The following AKAP9 variants were observed in gnomAD, a reference collection of about 807,000 sequenced individuals.
The protein encoded by AKAP9 is A-kinase anchoring protein 9, also known as A-kinase anchor protein 9.
A neutral mutation model predicts 488.5 loss-of-function variants in AKAP9; 311 were observed. That is an observed-to-expected ratio of 0.64 (90% CI 0.58 to 0.70). AKAP9 has a LOEUF of 0.70. Ranked by LOEUF, AKAP9 falls within the 30% of genes least tolerant of loss-of-function variation. AKAP9 has a pLI of 0.00. For synonymous variants in AKAP9, 1,462 were observed against 1,483.5 expected (o/e 0.99, Z 0.33); for missense variants, 4,215 against 4,374.5 (o/e 0.96, Z 1.03).
chr7:91,992,003 A>G lies in AKAP9; in HGVS notation c.352-155A>G, dbSNP rs4364573. Among the ~76,000 whole-genome samples, 2,193 of 152,316 alleles carry G rather than the reference A, an allele frequency of 0.014. 45 individuals carry two copies. The highest frequency in any genetic ancestry group is 0.05 in the African/African-American group (2,087 of 41,564). On this transcript the variant is annotated intron_variant, in intron 3 of 49. Coordinates refer to ENST00000356239, the MANE Select transcript of AKAP9 (RefSeq NM_005751.5). ...ATTTGAAATGGTCATTATGTCTCTT[A>G]GATATTTTAAATTAATCTCTGTATC...
At chr7:92,023,450 CA>C (rs549605383) in intron 14 of AKAP9, among the ~76,000 whole-genome samples, 154 of 152,288 alleles carry the variant, frequency 1.0e-3, no homozygotes, top group African/African-American at 3.7e-3. Context: ...TGGCTCTTCT[CA>C]AAATTTGCTC....
intron 7 of AKAP9, among the ~76,000 whole-genome samples, chr7:92,000,316 A>C (rs556337202): frequency 2.0e-5 from 3 of 152,336 alleles, no homozygotes; most frequent in African/African-American, 7.2e-5. Flanking sequence ...TGACTGACTT[A>C]AGAGCCCAGG....
Position 92,084,103 on chromosome 7 carries a change from C to T in AKAP9, c.8646+448C>T, listed in dbSNP as rs145612512. ...TTGGTTTTCTGTTCTTGTGTTAGTC[C>T]GCTGAGAATGATGGTTTCCAGCTTC... On this transcript the variant is annotated intron_variant, in intron 33 of 49. Coordinates refer to ENST00000356239, the MANE Select transcript of AKAP9 (RefSeq NM_005751.5). 6.4e-3 allele frequency among the ~76,000 whole-genome samples: 970 copies of T among 152,192 alleles called. 13 individuals carry two copies. The highest frequency in any genetic ancestry group is 0.026 in the South Asian group (127 of 4,820).
chr7:91,948,361 C>T (rs1791733147), intron 1 of AKAP9, among the ~76,000 whole-genome samples: 1 of 152,096 alleles, frequency 6.6e-6, no homozygotes, highest in Admixed American at 6.5e-5. Flanking sequence ...CAAACTGTTT[C>T]CATAGTGACT....
In AKAP9 at chr7:91,974,306, A is replaced by C. The variant is rs145616496; in HGVS notation, c.306+338A>C. Among the ~76,000 whole-genome samples, 423 of 150,702 alleles carry C rather than the reference A, an allele frequency of 2.8e-3. 2 individuals are homozygous for C. The highest frequency in any genetic ancestry group is 9.7e-3 in the African/African-American group (396 of 40,740). The stretch of plus-strand genomic sequence containing the variant: ...AGTGTGCTATGATTAGACCTTTGCT[A>C]GTATGAGAGATAGATGTCCAACTTC... On this transcript the variant is annotated intron_variant, in intron 2 of 49. Coordinates refer to ENST00000356239, the MANE Select transcript of AKAP9 (RefSeq NM_005751.5).
intron 48 of AKAP9, chr7:92,108,019 CAAAAAAAA>C (rs60351982): frequency 2.1e-5 from 3 of 143,948 alleles, no homozygotes; most frequent in East Asian, 3.7e-4. Flanking sequence ...ATTTGGTCTC[CAAAAAAAA>C]AAAAAAAGAA....
In AKAP9 at chr7:92,060,651, G is replaced by A. The variant is rs536502137; in HGVS notation, c.5602-609G>A. Among the ~76,000 whole-genome samples the A allele has an allele frequency of 1.2e-4, 18 of 152,142 alleles. No individual in the cohort carries two copies. The South Asian group carries it at 3.5e-3, about 30-fold the overall frequency. On this transcript the variant is annotated intron_variant, in intron 22 of 49. Coordinates refer to ENST00000356239, the MANE Select transcript of AKAP9 (RefSeq NM_005751.5). Reference sequence around the variant, plus strand: ...TATGGTTAATGTCTCTGTATTCTACGGTTTTGAAAATAAGCTGAATATTCA... The same window carrying A: ...TATGGTTAATGTCTCTGTATTCTACAGTTTTGAAAATAAGCTGAATATTCA...
intron 1 of AKAP9, among the ~76,000 whole-genome samples, chr7:91,965,674 C>T (rs1330226130): frequency 6.6e-6 from 1 of 152,198 alleles, no homozygotes; most frequent in Non-Finnish European, 1.5e-5. Flanking sequence ...CTTCTCTCTC[C>T]ACATCCTCCC....
At chr7:92,039,805 T>G (rs1411527789) in intron 17 of AKAP9, among the ~76,000 whole-genome samples, 9 of 151,974 alleles carry the variant, frequency 5.9e-5, no homozygotes, top group Admixed American at 5.9e-4. Flanking sequence ...TAAAACCCCC[T>G]CTCTACTAAA....
intron 21 of AKAP9, among the ~76,000 whole-genome samples, chr7:92,051,309 T>G (rs983450485): frequency 6.6e-6 from 1 of 152,200 alleles, no homozygotes; most frequent in African/African-American, 2.4e-5. Context: ...TGCATTTAAT[T>G]TCTCACATAA....
chr7:92,089,606 T>G, intron 38 of AKAP9, 77 bp downstream of exon 38: 4 of 1,439,762 alleles, frequency 2.8e-6, no homozygotes, highest in Non-Finnish European at 3.8e-6. Flanking sequence ...TTATTATTAT[T>G]AAGTTAAAAC....
chr7:92,082,576 G>A lies in AKAP9; in HGVS notation c.8074G>A (p.Glu2692Lys), dbSNP rs749538379. The change falls in exon 32 of 50, where the codon GAG becomes AAG. Residue 2692 changes from glutamate (E) to lysine (K), a missense_variant. Transcript: ENST00000356239. ...NEESGFFNEL[E>K]ALRAESVATK... is the part of the protein sequence containing the mutation. ...AGAAAGTGGATTTTTTAATGAACTCGAGGCTCTTAGAGCTGAATCAGTGGC... is the reference window on the plus strand; with the variant it reads ...AGAAAGTGGATTTTTTAATGAACTCAAGGCTCTTAGAGCTGAATCAGTGGC... 17 of 1,613,678 alleles carry A rather than the reference G, an allele frequency of 1.1e-5. No homozygotes were observed. The highest frequency in any genetic ancestry group is 1.7e-5 in the Admixed American group (1 of 59,988).
At chr7:92,039,325 G>A (rs969079783) in intron 17 of AKAP9, among the ~76,000 whole-genome samples, 1 of 152,074 alleles carries the variant, frequency 6.6e-6, no homozygotes, top group Non-Finnish European at 1.5e-5. Context: ...TGTTGTACCT[G>A]GTAAAATCCC....
intron 3 of AKAP9, among the ~76,000 whole-genome samples, chr7:91,990,676 C>G (rs1160557657): frequency 6.6e-6 from 1 of 151,974 alleles, no homozygotes; most frequent in African/African-American, 2.4e-5. Context: ...AAAATGGTAA[C>G]TGATAACTGA....
intron 13 of AKAP9, 143 bp from the exon 14 acceptor site, chr7:92,022,671 A>C: frequency 3.1e-6 from 2 of 647,104 alleles, no homozygotes; most frequent in Non-Finnish European, 5.3e-6. Flanking sequence ...CATCAGAATG[A>C]GTTTAAATTG....
intron 30 of AKAP9, 55 bp downstream of exon 30, chr7:92,077,930 C>G: frequency 2.3e-6 from 3 of 1,330,912 alleles, no homozygotes; most frequent in Non-Finnish European, 2.1e-6. Flanking sequence ...TTTTAAAGGG[C>G]AAAATGGTTA....
intron 15 of AKAP9, among the ~76,000 whole-genome samples, chr7:92,031,206 A>G (rs1804178997): frequency 6.6e-6 from 1 of 152,216 alleles, no homozygotes; most frequent in African/African-American, 2.4e-5. Flanking sequence ...ATCTGTACAC[A>G]CATATATATT....
chr7:92,025,031 A>G (rs1802903396), intron 14 of AKAP9, among the ~76,000 whole-genome samples: 1 of 152,178 alleles, frequency 6.6e-6, no homozygotes, highest in African/African-American at 2.4e-5. Flanking sequence ...ACTGAATTAT[A>G]ATTTGGAGAG....
chr7:91,982,163 G>A (rs1040997979), intron 3 of AKAP9, among the ~76,000 whole-genome samples: 3 of 148,498 alleles, frequency 2.0e-5, no homozygotes, highest in Non-Finnish European at 3.0e-5. Context: ...AGTATTTTAC[G>A]TACGTATGTA....
Sources: gnomAD v4.1 joint callset for allele counts (sites outside exome capture counted in the v4.1 genomes callset) on GRCh38, gnomAD v4.1.1 for gene constraint, MANE v1.5 for transcripts, NCBI Gene and HGNC (gene_info 2026-07-23, HGNC 2026-07-21) for gene names.